KNSTRN: variants seen among roughly 807,000 people sequenced by gnomAD.
The protein encoded by KNSTRN is small kinetochore-associated protein.
In KNSTRN, 38 loss-of-function variants were observed where a neutral mutation model predicts 44.7. The observed-to-expected ratio is 0.85, with a 90% confidence interval of 0.66 to 1.11. The LOEUF (loss-of-function observed/expected upper bound fraction) is 1.11, where lower values mean the gene tolerates loss of function less well. KNSTRN is among the 50% of genes most tolerant of loss of function. KNSTRN has a pLI of 0.00. For synonymous variants in KNSTRN, 158 were observed against 148.1 expected, an observed-to-expected ratio of 1.07 and a Z score of -0.48; for missense variants, 406 against 375.8, an observed-to-expected ratio of 1.08 and a Z score of -0.66.
intron 6 of KNSTRN, 93 bp from the exon 7 acceptor site, chr15:40,391,400 A>G: frequency 1.0e-6 from 1 of 1,001,824 alleles, no homozygotes; most frequent in Non-Finnish European, 1.5e-6. Context: ...TCCCCTCATG[A>G]ATATTTCTGT....
chr15:40,389,451 T>A (rs1261623744), intron 4 of KNSTRN, 55 bp from the exon 5 acceptor site: 1 of 1,334,322 alleles, frequency 7.5e-7, no homozygotes, highest in Admixed American at 1.7e-5. Context: ...GCACCTGGTG[T>A]GGGCCATACT....
chr15:40,389,709 C>T, intron 5 of KNSTRN, 98 bp downstream of exon 5: 13 of 1,295,190 alleles, frequency 1.0e-5, no homozygotes, highest in South Asian at 2.4e-5. Flanking sequence ...TGTTAATGCA[C>T]AGATGCCCAA....
At position 40,391,501 on chromosome 15, in the gene KNSTRN, A is replaced by G. The variant is rs11541642; in HGVS notation, c.694A>G (p.Ser232Gly). Residue 232 changes from serine (S) to glycine (G), a missense_variant, in exon 7 of 9, where the codon AGT becomes GGT. Coordinates refer to ENST00000249776, the MANE Select transcript of KNSTRN (RefSeq NM_033286.4). ...ESKGLDPALG[S>G]ETLASRQEST... ...TTTGTTGTATCCATCAGCTTTAGGCAGTGAGACCCTGGCATCACGACAAGA... is the reference window on the plus strand; with the variant it reads ...TTTGTTGTATCCATCAGCTTTAGGCGGTGAGACCCTGGCATCACGACAAGA... 155,788 of 1,612,112 alleles carry G rather than the reference A, an allele frequency of 0.097. 8,510 individuals are homozygous for G. The highest frequency in any genetic ancestry group is 0.11 in the Non-Finnish European group (134,053 of 1,178,162).
chr15:40,384,237 G>C (rs374276394), intron 2 of KNSTRN: 286 of 284,542 alleles, frequency 1.0e-3, no homozygotes, highest in African/African-American at 6.2e-3. Context: ...AGCCGGGCGT[G>C]GTGGCGGGCG....
Position 40,389,822 on chromosome 15 carries a change from C to T in KNSTRN, c.592-14C>T. ...TTGGACAATTCCTGATCTGTCTGTG[C>T]TGTGCTCCAATAGGGAGAGCTGAAG... On this transcript the variant is annotated splice_polypyrimidine_tract_variant and intron_variant, in intron 5 of 8. Coordinates refer to ENST00000249776, the MANE Select transcript of KNSTRN (RefSeq NM_033286.4). 6.2e-7 allele frequency: 1 copy of T among 1,611,252 alleles called. No homozygotes were observed. Among genetic ancestry groups the T allele is most frequent in the Non-Finnish European group, 8.5e-7 (1 of 1,177,310 alleles).
intron 3 of KNSTRN, 126 bp from the exon 4 acceptor site, chr15:40,387,033 C>T: frequency 1.4e-6 from 1 of 733,720 alleles, no homozygotes; most frequent in Non-Finnish European, 2.5e-6. Flanking sequence ...AGCTCTTAAG[C>T]TTGTGCCATT....
intron 4 of KNSTRN, among the ~76,000 whole-genome samples, chr15:40,387,486 A>G (rs1406766876): frequency 6.6e-6 from 1 of 152,182 alleles, no homozygotes; most frequent in Admixed American, 6.5e-5. Flanking sequence ...GCTATGGCCC[A>G]TCAACAGGAG....
At chr15:40,388,649 C>A (rs981683063) in intron 4 of KNSTRN, among the ~76,000 whole-genome samples, 10 of 151,824 alleles carry the variant, frequency 6.6e-5, no homozygotes, top group African/African-American at 2.2e-4. Flanking sequence ...GAGCCGAGAC[C>A]ACGCCACTGC....
chr15:40,388,001 C>A (rs1889930577), intron 4 of KNSTRN, among the ~76,000 whole-genome samples: 1 of 152,152 alleles, frequency 6.6e-6, no homozygotes, highest in Non-Finnish European at 1.5e-5. Context: ...GAGCAAGACT[C>A]TGACTTACAA....
intron 3 of KNSTRN, chr15:40,386,701 G>T: frequency 1.7e-6 from 1 of 583,798 alleles, no homozygotes. Flanking sequence ...GTTATAAGAG[G>T]TGTTCTTTCC....
chr15:40,382,754 C>T lies in KNSTRN; in HGVS notation c.-82C>T, dbSNP rs962495274. The T allele has an allele frequency of 7.9e-7, 1 of 1,258,788 alleles. No individual in the cohort carries two copies. The highest frequency in any genetic ancestry group is 1.5e-5 in the African/African-American group (1 of 66,938). 78.0% of individuals were successfully genotyped at this position (1,258,788 alleles called of 1,614,324 possible). A position where few individuals can be genotyped will look rare whatever the true frequency, so the allele number is the denominator to read the frequency against. On this transcript the variant is annotated 5_prime_UTR_variant, in exon 1 of 9. Transcript: ENST00000249776. ...CATTCAAGCCTACAAATTGCATCACCCTCCTCCTCTGCCCAGACCTGGGGG... is the reference window on the plus strand; with the variant it reads ...CATTCAAGCCTACAAATTGCATCACTCTCCTCCTCTGCCCAGACCTGGGGG...
At chr15:40,391,835 A>G (rs992278159) in intron 7 of KNSTRN, 114 bp from the exon 8 acceptor site, 3 of 823,906 alleles carry the variant, frequency 3.6e-6, no homozygotes, top group East Asian at 5.1e-5. Flanking sequence ...TACTTTATCA[A>G]ATTTCTCTCC....
At chr15:40,386,949 C>T (rs1453349956) in intron 3 of KNSTRN, 14 of 592,192 alleles carry the variant, frequency 2.4e-5, no homozygotes, top group East Asian at 5.7e-5. Flanking sequence ...TTAGGGTGGT[C>T]GGAGGCATGC....
At chr15:40,383,360 G>A (rs373718200) in intron 2 of KNSTRN, 38 bp downstream of exon 2, 1 of 1,515,572 alleles carries the variant, frequency 6.6e-7, no homozygotes, top group Non-Finnish European at 9.1e-7. Flanking sequence ...CTGCGGCCTG[G>A]CCGGGGATGG....
rs377517216 is a variant in KNSTRN at position 40,391,933 on chromosome 15, T to C, written c.748-16T>C. 1.4e-3 allele frequency: 2,281 copies of C among 1,599,588 alleles called. 50 individuals are homozygous for C. The South Asian group carries it at 0.024, about 17-fold the overall frequency. ...TTATATGAAGATTTGTTTACTACATTGTGCTTTCCTCTTAGTTGCTGTTAG... is the reference window on the plus strand; with the variant it reads ...TTATATGAAGATTTGTTTACTACATCGTGCTTTCCTCTTAGTTGCTGTTAG... On this transcript the variant is annotated splice_polypyrimidine_tract_variant and intron_variant, in intron 7 of 8. Coordinates refer to ENST00000249776, the MANE Select transcript of KNSTRN (RefSeq NM_033286.4).
intron 4 of KNSTRN, 65 bp from the exon 5 acceptor site, chr15:40,389,441 G>A (rs186524207): frequency 2.0e-5 from 24 of 1,219,408 alleles, no homozygotes; most frequent in Non-Finnish European, 2.5e-5. Flanking sequence ...ATGAGCTACC[G>A]CACCTGGTGT....
At chr15:40,391,597 T>G (rs1268884130) in intron 7 of KNSTRN, 43 bp downstream of exon 7, 2 of 1,495,464 alleles carry the variant, frequency 1.3e-6, no homozygotes, top group Non-Finnish European at 1.9e-6. Context: ...TGAGTGACTG[T>G]GGGGCTCTGT....
At chr15:40,391,757 C>T (rs1890001057) in intron 7 of KNSTRN, 192 bp from the exon 8 acceptor site, 3 of 656,464 alleles carry the variant, frequency 4.6e-6, no homozygotes, top group Admixed American at 6.2e-5. Flanking sequence ...ATAAGTGAGT[C>T]TGAATTGAAA....
intron 2 of KNSTRN, among the ~76,000 whole-genome samples, chr15:40,386,109 T>C (rs1349858662): frequency 6.6e-6 from 1 of 152,086 alleles, no homozygotes; most frequent in Non-Finnish European, 1.5e-5. Context: ...GTGCCTATAG[T>C]CCAGCTACTC....
Sources: gnomAD v4.1 joint callset for allele counts (sites outside exome capture counted in the v4.1 genomes callset) on GRCh38, gnomAD v4.1.1 for gene constraint, MANE v1.5 for transcripts, NCBI Gene and HGNC (gene_info 2026-07-23, HGNC 2026-07-21) for gene names.